The following PRKG1 variants were observed in gnomAD, a reference collection of about 807,000 sequenced individuals.
The protein encoded by PRKG1 is cGMP-dependent protein kinase 1.
PRKG1 carries 35 observed loss-of-function variants against 88.1 expected under a neutral mutation model. The observed-to-expected ratio is 0.40, with a 90% CI of 0.30 to 0.53. PRKG1 has a LOEUF of 0.53. Ranked by LOEUF, PRKG1 falls within the 20% of genes least tolerant of loss-of-function variation. The probability of loss-of-function intolerance (pLI) is 0.59; values close to 1 mark genes in which losing one functional copy is unlikely to be tolerated. For missense variants in PRKG1, 540 were observed against 839.8 expected (o/e 0.64, Z 4.41); for synonymous variants, 303 against 292.5 (o/e 1.04, Z -0.37).
intron 2 of PRKG1, among the ~76,000 whole-genome samples, chr10:51,377,559 C>G (rs574110977): frequency 6.6e-6 from 1 of 151,956 alleles, no homozygotes; most frequent in African/African-American, 2.4e-5. Context: ...AAGCGGGCAC[C>G]TATGGGTCAT....
intron 9 of PRKG1, among the ~76,000 whole-genome samples, chr10:52,203,126 T>C (rs767227979): frequency 6.6e-6 from 1 of 152,166 alleles, no homozygotes; most frequent in African/African-American, 2.4e-5. Flanking sequence ...ATTTGTGACC[T>C]TCTAACTTTT....
At chr10:51,727,426 G>T (rs1261890169) in intron 3 of PRKG1, among the ~76,000 whole-genome samples, 1 of 152,090 alleles carries the variant, frequency 6.6e-6, no homozygotes, top group East Asian at 1.9e-4. Flanking sequence ...CTGATAAGTA[G>T]AAAGGGGTCA....
At chr10:52,150,177 A>ATTATTATT (rs1554810273) in intron 8 of PRKG1, among the ~76,000 whole-genome samples, 2,078 of 106,740 alleles carry the variant, frequency 0.019, 63 homozygotes, top group African/African-American at 0.061. Flanking sequence ...TAATAATAAT[A>ATTATTATT]ATAATAATTT....
chr10:51,743,694 A>G (rs1386450133), intron 3 of PRKG1, among the ~76,000 whole-genome samples: 1 of 123,066 alleles, frequency 8.1e-6, no homozygotes, highest in Non-Finnish European at 1.7e-5. Flanking sequence ...AATTTATTAT[A>G]TATATAATAT....
At chr10:51,103,807 A>C (rs929777016) in intron 1 of PRKG1, among the ~76,000 whole-genome samples, 2 of 152,180 alleles carry the variant, frequency 1.3e-5, no homozygotes, top group African/African-American at 4.8e-5. Flanking sequence ...GTATGAATAA[A>C]TGTATTGAGA....
intron 2 of PRKG1, among the ~76,000 whole-genome samples, chr10:51,465,481 TA>T (rs1044342082): frequency 6.6e-6 from 1 of 152,244 alleles, no homozygotes; most frequent in African/African-American, 2.4e-5. Context: ...AAGAAAATTT[TA>T]CAAAGCATTG....
chr10:51,145,632 A>T (rs1478521621), intron 1 of PRKG1, among the ~76,000 whole-genome samples: 2 of 152,154 alleles, frequency 1.3e-5, no homozygotes. Flanking sequence ...ATCTCTAGAG[A>T]GCTGAATGAC....
At chr10:51,055,819 T>TGACAA (rs1247253451) in intron 1 of PRKG1, among the ~76,000 whole-genome samples, 1 of 152,196 alleles carries the variant, frequency 6.6e-6, no homozygotes, top group African/African-American at 2.4e-5. Flanking sequence ...CAGCCCCATG[T>TGACAA]GACAACTGCT....
intron 3 of PRKG1, among the ~76,000 whole-genome samples, chr10:51,615,757 C>A: frequency 6.6e-6 from 1 of 151,724 alleles, no homozygotes; most frequent in African/African-American, 2.4e-5. Flanking sequence ...CAGTATTCCC[C>A]TGTATCTCAC....
intron 5 of PRKG1, among the ~76,000 whole-genome samples, chr10:52,000,325 A>G (rs1844562502): frequency 2.1e-5 from 1 of 47,298 alleles, no homozygotes; most frequent in Non-Finnish European, 4.2e-5. Context: ...TGAGACAGCA[A>G]TATATATATA....
intron 3 of PRKG1, among the ~76,000 whole-genome samples, chr10:51,629,179 A>G (rs140184347): frequency 1.1e-3 from 162 of 152,026 alleles, no homozygotes; most frequent in Middle Eastern, 0.01. Context: ...TGTATAATCT[A>G]TTTCCTTCTG....
intron 3 of PRKG1, among the ~76,000 whole-genome samples, chr10:51,755,981 G>T (rs982865635): frequency 6.6e-6 from 1 of 152,050 alleles, no homozygotes. Context: ...TGCATTTATC[G>T]TTATTTAAAG....
At chr10:51,194,473 A>G (rs901176741) in intron 2 of PRKG1, among the ~76,000 whole-genome samples, 6 of 151,954 alleles carry the variant, frequency 3.9e-5, no homozygotes, top group African/African-American at 1.4e-4. Context: ...CTGTGTACAA[A>G]TTTTATGGGA....
intron 3 of PRKG1, among the ~76,000 whole-genome samples, chr10:51,778,251 A>G (rs1321491899): frequency 6.6e-6 from 1 of 152,136 alleles, no homozygotes; most frequent in African/African-American, 2.4e-5. Flanking sequence ...GAAAGCCTAC[A>G]TTTTGGTGAT....
At chr10:51,009,789 A>G (rs1345914739) in intron 1 of PRKG1, among the ~76,000 whole-genome samples, 2 of 152,228 alleles carry the variant, frequency 1.3e-5, no homozygotes, top group Admixed American at 1.3e-4. Context: ...TTGAAGATAT[A>G]AAATATTTGA....
intron 12 of PRKG1, among the ~76,000 whole-genome samples, chr10:52,276,385 C>A (rs1564542379): frequency 1.3e-5 from 2 of 152,144 alleles, no homozygotes. Context: ...CATACACTCA[C>A]TGATTGTTGT....
intron 4 of PRKG1, among the ~76,000 whole-genome samples, chr10:51,844,966 CATT>C (rs1474661482): frequency 6.6e-6 from 1 of 152,072 alleles, no homozygotes; most frequent in Non-Finnish European, 1.5e-5. Flanking sequence ...TCAGTTATAT[CATT>C]GTATTTTATT....
In PRKG1 at chr10:51,550,934, G is replaced by A. The variant is rs139057022; in HGVS notation, c.592+83098G>A. Among the ~76,000 whole-genome samples, 270 of 152,034 alleles carry A rather than the reference G, an allele frequency of 1.8e-3. 3 individuals carry two copies. Among genetic ancestry groups the A allele is most frequent in the African/African-American group, 5.8e-3 (243 of 41,546 alleles). On this transcript the variant is annotated intron_variant, in intron 3 of 17. Transcript: ENST00000373980. ...AAATAGATATGTTTTTCATTGGAAAGTATGTGTTGGGGTCAACTAATGAGT... is the reference window on the plus strand; with the variant it reads ...AAATAGATATGTTTTTCATTGGAAAATATGTGTTGGGGTCAACTAATGAGT...
chr10:51,274,064 C>T (rs1217731456), intron 2 of PRKG1, among the ~76,000 whole-genome samples: 1 of 152,162 alleles, frequency 6.6e-6, no homozygotes, highest in East Asian at 1.9e-4. Context: ...AAATACCATT[C>T]ATGTAGAGCC....
Sources: allele counts gnomAD v4.1 joint callset (sites outside exome capture counted in the v4.1 genomes callset), GRCh38; gene constraint gnomAD v4.1.1; transcripts MANE v1.5; gene names NCBI Gene and HGNC (gene_info 2026-07-23, HGNC 2026-07-21).